The following FER variants were observed in gnomAD, a reference collection of about 807,000 sequenced individuals.
The protein encoded by FER is tyrosine-protein kinase Fer.
FER carries 63 observed loss-of-function variants against 111.0 expected under a neutral mutation model. The ratio of observed to expected loss-of-function variants is 0.57; its 90% CI spans 0.46 to 0.70. The LOEUF (loss-of-function observed/expected upper bound fraction) is 0.70, where lower values mean the gene tolerates loss of function less well. Among genes scored for constraint, FER ranks in the 30% least tolerant of loss-of-function variants. The pLI is 0.00. For synonymous variants in FER, 327 were observed against 313.9 expected, an observed-to-expected ratio of 1.04 and a Z score of -0.44; for missense variants, 914 against 954.0, an observed-to-expected ratio of 0.96 and a Z score of 0.55.
At chr5:109,010,120 T>A (rs956190192) in intron 13 of FER, among the ~76,000 whole-genome samples, 1 of 152,148 alleles carries the variant, frequency 6.6e-6, no homozygotes, top group Non-Finnish European at 1.5e-5. Context: ...CAGTCTACTA[T>A]ATTTCTTATT....
At chr5:108,931,012 G>T (rs1211730228) in intron 10 of FER, among the ~76,000 whole-genome samples, 1 of 151,884 alleles carries the variant, frequency 6.6e-6, no homozygotes, top group Non-Finnish European at 1.5e-5. Flanking sequence ...TTGATTATAA[G>T]AATTCTTATT....
At chr5:109,020,539 GT>G (rs1201484577) in intron 13 of FER, among the ~76,000 whole-genome samples, 1 of 151,970 alleles carries the variant, frequency 6.6e-6, no homozygotes, top group Non-Finnish European at 1.5e-5. Flanking sequence ...TTAGATCTCA[GT>G]TTCCTTCTAT....
chr5:109,000,572 C>G (rs1764633963), intron 13 of FER, among the ~76,000 whole-genome samples: 1 of 151,484 alleles, frequency 6.6e-6, no homozygotes, highest in Admixed American at 6.6e-5. Flanking sequence ...AAATTGACAC[C>G]CTAACATCAC....
intron 4 of FER, among the ~76,000 whole-genome samples, 160 bp from the exon 5 acceptor site, chr5:108,835,548 T>G (rs1008892206): frequency 6.6e-6 from 1 of 152,196 alleles, no homozygotes; most frequent in Non-Finnish European, 1.5e-5. Flanking sequence ...TACTGATTTT[T>G]AAAACATACT....
At chr5:108,772,753 A>G (rs1341385251) in intron 2 of FER, among the ~76,000 whole-genome samples, 1 of 152,226 alleles carries the variant, frequency 6.6e-6, no homozygotes, top group Non-Finnish European at 1.5e-5. Flanking sequence ...GGCACTAGTC[A>G]GCAATTGAAA....
intron 5 of FER, among the ~76,000 whole-genome samples, chr5:108,853,312 G>A (rs1414778296): frequency 6.6e-6 from 1 of 151,996 alleles, no homozygotes; most frequent in Non-Finnish European, 1.5e-5. Context: ...CTTAATTTGG[G>A]ATATTGTAGA....
rs1292063168 is a variant in FER at position 109,047,165 on chromosome 5, C to G, written c.1891C>G (p.Gln631Glu). The G allele has an allele frequency of 6.2e-7, 1 of 1,607,864 alleles. No individual in the cohort carries two copies. The highest frequency in any genetic ancestry group is 8.5e-7 in the Non-Finnish European group (1 of 1,176,808). The change falls in exon 16 of 20, where the codon CAG becomes GAG. Residue 631 changes from glutamine (Q) to glutamate (E), a missense_variant. Gln to Glu is a conservative substitution (Grantham distance 29). Transcript: ENST00000281092. ...VKLIGVCTQR[Q>E]PVYIIMELVS... ...ACTTATAGGAGTTTGCACACAAAGA[C>G]AGCCTGTCTACATCATTATGGAACT...
intron 13 of FER, among the ~76,000 whole-genome samples, chr5:109,031,401 T>C (rs995420324): frequency 1.3e-4 from 20 of 152,190 alleles, no homozygotes; most frequent in African/African-American, 3.9e-4. Context: ...TTCTAGAACT[T>C]GTCCAATGAC....
intron 5 of FER, among the ~76,000 whole-genome samples, chr5:108,849,496 T>G (rs1336282993): frequency 6.6e-6 from 1 of 152,120 alleles, no homozygotes; most frequent in East Asian, 1.9e-4. Context: ...TTGTTGTTGT[T>G]GTTGTTATCT....
intron 17 of FER, among the ~76,000 whole-genome samples, chr5:109,125,198 T>A: frequency 6.6e-6 from 1 of 152,276 alleles, no homozygotes; most frequent in African/African-American, 2.4e-5. Context: ...TATCTGTTTT[T>A]TTTCCTTTTA....
intron 3 of FER, among the ~76,000 whole-genome samples, chr5:108,810,547 A>T (rs1757652034): frequency 6.6e-6 from 1 of 152,184 alleles, no homozygotes; most frequent in Non-Finnish European, 1.5e-5. Flanking sequence ...CTCAGCCCCA[A>T]GTTCTTTGCC....
intron 13 of FER, among the ~76,000 whole-genome samples, chr5:108,960,548 AAT>A (rs911676083): frequency 6.6e-5 from 10 of 150,932 alleles, no homozygotes; most frequent in Non-Finnish European, 7.4e-5. Flanking sequence ...TCTATAGCAA[AAT>A]ATATATATAT....
chr5:109,027,822 T>G (rs1378251580), intron 13 of FER, among the ~76,000 whole-genome samples: 1 of 152,210 alleles, frequency 6.6e-6, no homozygotes, highest in East Asian at 1.9e-4. Flanking sequence ...TGACTACATT[T>G]GTGAGGCAAA....
At chr5:108,756,054 T>C (rs1751064426) in intron 1 of FER, among the ~76,000 whole-genome samples, 1 of 149,608 alleles carries the variant, frequency 6.7e-6, no homozygotes, top group African/African-American at 2.5e-5. Context: ...CTTGGGAGAC[T>C]GAGGCAGGAG....
chr5:109,141,232 A>AT (rs899885598), intron 17 of FER, among the ~76,000 whole-genome samples: 1 of 152,158 alleles, frequency 6.6e-6, no homozygotes, highest in Non-Finnish European at 1.5e-5. Context: ...TCCTTTCTCA[A>AT]TTTTTTATAA....
chr5:108,995,428 C>G (rs1763861920), intron 13 of FER, among the ~76,000 whole-genome samples: 2 of 151,932 alleles, frequency 1.3e-5, no homozygotes, highest in South Asian at 4.2e-4. Flanking sequence ...CCCCCCACCC[C>G]CCAACAGGCC....
intron 5 of FER, among the ~76,000 whole-genome samples, chr5:108,846,777 G>T (rs534067266): frequency 1.3e-5 from 2 of 151,914 alleles, no homozygotes; most frequent in Non-Finnish European, 2.9e-5. Context: ...TAGAGACGAG[G>T]TTTCACCATG....
chr5:108,874,744 G>GA (rs1041319386), intron 8 of FER, among the ~76,000 whole-genome samples: 4 of 151,644 alleles, frequency 2.6e-5, no homozygotes, highest in Admixed American at 2.6e-4. Flanking sequence ...AGAAACAAAT[G>GA]AACAGTTAGT....
In FER at chr5:108,839,726, C is replaced by A. The variant is rs555727864; in HGVS notation, c.481+3919C>A. Among the ~76,000 whole-genome samples the A allele has an allele frequency of 5.9e-5, 9 of 151,916 alleles. No individual in the cohort carries two copies. In the South Asian group the frequency reaches 1.9e-3, roughly 32 times the overall value. On this transcript the variant is annotated intron_variant, in intron 5 of 19. Coordinates refer to ENST00000281092, the MANE Select transcript of FER (RefSeq NM_005246.4). ...TGGAGTAGCTGGGACTACAGGCGCC[C>A]GCCATCACGCCTGGCTAATTTTTTG...
Sources: allele counts gnomAD v4.1 joint callset (sites outside exome capture counted in the v4.1 genomes callset), GRCh38; gene constraint gnomAD v4.1.1; transcripts MANE v1.5; gene names NCBI Gene and HGNC (gene_info 2026-07-23, HGNC 2026-07-21).